BST1: variants seen among roughly 807,000 people sequenced by gnomAD.
The protein encoded by BST1 is ADP-ribosyl cyclase/cyclic ADP-ribose hydrolase 2.
Under a neutral mutation model 40.6 loss-of-function variants are expected in BST1, and 49 were observed. That is an observed-to-expected ratio of 1.21 (90% CI 0.96 to 1.53). The LOEUF is 1.53. BST1 is among the 40% of genes most tolerant of loss of function. BST1 has a pLI of 0.00. For synonymous variants in BST1, 157 were observed against 159.3 expected (o/e 0.99, Z 0.11); for missense variants, 423 against 395.9 (o/e 1.07, Z -0.58).
At chr4:15,739,394 G>A (rs79554183), downstream of BST1, among the ~76,000 whole-genome samples, 5,417 of 152,198 alleles carry the variant, frequency 0.036, 293 homozygotes, top group African/African-American at 0.12. Context: ...GATGTAGAAT[G>A]CAGCAGGTTC....
intron 3 of BST1, among the ~76,000 whole-genome samples, chr4:15,710,295 A>ATTTTAT: frequency 6.6e-6 from 1 of 151,888 alleles, no homozygotes; most frequent in East Asian, 1.9e-4. Flanking sequence ...TTTAATTTTA[A>ATTTTAT]TTTTATTTTT....
At chr4:15,768,471 G>T in the BST1 span, among the ~76,000 whole-genome samples, 1 of 149,332 alleles carries the variant, frequency 6.7e-6, no homozygotes, top group Non-Finnish European at 1.5e-5. Flanking sequence ...GAGTGTTGAT[G>T]GACAGTATCT....
chr4:15,754,198 T>C, the BST1 span, among the ~76,000 whole-genome samples: 1 of 151,972 alleles, frequency 6.6e-6, no homozygotes, highest in East Asian at 1.9e-4. Flanking sequence ...GATGTGATAA[T>C]CCCCACGAAG....
At chr4:15,762,506 T>G in the BST1 span, among the ~76,000 whole-genome samples, 1 of 152,026 alleles carries the variant, frequency 6.6e-6, no homozygotes, top group African/African-American at 2.4e-5. Context: ...AACAATCAAA[T>G]GAACACATCC....
chr4:15,734,699 G>C (rs931836271), downstream of BST1, among the ~76,000 whole-genome samples: 5 of 152,146 alleles, frequency 3.3e-5, no homozygotes, highest in Non-Finnish European at 7.3e-5. Context: ...GATACTAACT[G>C]GTTGCCTAAG....
At chr4:15,772,007 G>GTCTCTCTCTCTCTCTCTCTCTC in the BST1 span, among the ~76,000 whole-genome samples, 32 of 148,862 alleles carry the variant, frequency 2.1e-4, no homozygotes, top group African/African-American at 7.4e-4. Context: ...AACAATGAAG[G>GTCTCTCTCTCTCTCTCTCTCTC]TCTCTCTCTC....
downstream of BST1, among the ~76,000 whole-genome samples, chr4:15,735,742 T>C (rs926739664): frequency 1.3e-5 from 2 of 152,186 alleles, no homozygotes; most frequent in Admixed American, 1.3e-4. Context: ...AGACCAAGCT[T>C]GGAAAACACA....
chr4:15,765,875 A>C, the BST1 span, among the ~76,000 whole-genome samples: 1 of 151,990 alleles, frequency 6.6e-6, no homozygotes, highest in Non-Finnish European at 1.5e-5. Context: ...GCTATGGTTT[A>C]CTTATCTTGT....
the BST1 span, among the ~76,000 whole-genome samples, chr4:15,766,960 C>T: frequency 6.6e-6 from 1 of 151,752 alleles, no homozygotes; most frequent in African/African-American, 2.4e-5. Context: ...TGCCCATGTC[C>T]CACTGCCGTT....
chr4:15,707,672 A>G (rs1204528778), intron 3 of BST1, 26 bp downstream of exon 3: 2 of 1,612,142 alleles, frequency 1.2e-6, no homozygotes, highest in African/African-American at 1.3e-5. Flanking sequence ...AAATCACAGG[A>G]GACTTAAGAA....
intron 6 of BST1, 99 bp downstream of exon 6, chr4:15,715,898 G>T: frequency 1.1e-6 from 1 of 892,188 alleles, no homozygotes. Flanking sequence ...TAGGGGAAAT[G>T]ACAGCCTTCT....
At chr4:15,757,634 T>TTTTATTTA in the BST1 span, among the ~76,000 whole-genome samples, 446 of 152,108 alleles carry the variant, frequency 2.9e-3, 4 homozygotes, top group African/African-American at 0.01. Flanking sequence ...CTTTTAAAAA[T>TTTTATTTA]TTTATTTATT....
At chr4:15,723,001 T>C in intron 8 of BST1, 67 bp downstream of exon 8, 1 of 1,429,390 alleles carries the variant, frequency 7.0e-7, no homozygotes, top group Admixed American at 1.7e-5. Flanking sequence ...AAGTTTTCAG[T>C]TCACAAACAT....
intron 8 of BST1, among the ~76,000 whole-genome samples, chr4:15,724,945 G>C (rs1316568004): frequency 6.6e-6 from 1 of 152,070 alleles, no homozygotes; most frequent in African/African-American, 2.4e-5. Flanking sequence ...TATGCTGGCT[G>C]GTATATGGGC....
At chr4:15,768,790 C>T in the BST1 span, among the ~76,000 whole-genome samples, 4 of 152,086 alleles carry the variant, frequency 2.6e-5, no homozygotes, top group African/African-American at 9.7e-5. Context: ...GCCACCGCGC[C>T]CGGCCGATGG....
chr4:15,746,306 G>T, the BST1 span, among the ~76,000 whole-genome samples: 10 of 152,300 alleles, frequency 6.6e-5, no homozygotes, highest in African/African-American at 2.4e-4. Flanking sequence ...GTCTCTAAGG[G>T]TGGTTCCAAG....
At chr4:15,770,521 A>G in the BST1 span, among the ~76,000 whole-genome samples, 1 of 152,164 alleles carries the variant, frequency 6.6e-6, no homozygotes, top group Admixed American at 6.5e-5. Flanking sequence ...CCTGGGCAAC[A>G]TGGTGAAGCC....
intron 3 of BST1, among the ~76,000 whole-genome samples, chr4:15,709,279 G>T (rs1237224535): frequency 6.6e-6 from 1 of 152,194 alleles, no homozygotes; most frequent in East Asian, 1.9e-4. Flanking sequence ...TTTCTGATGG[G>T]AGAACAGCAA....
Position 15,715,814 on chromosome 4 carries a change from T to C in BST1, c.704+15T>C, listed in dbSNP as rs898589742. ...GGACCCAATGTGTAAGTTATGGTGA[T>C]ATTGATGATGATAATTGCACAAGTT... On this transcript the variant is annotated intron_variant, in intron 6 of 8. Transcript: ENST00000265016. 1 of 1,514,590 alleles carries C rather than the reference T, an allele frequency of 6.6e-7. No homozygotes were observed. The highest frequency in any genetic ancestry group is 1.4e-5 in the African/African-American group (1 of 70,934). 93.8% of individuals were successfully genotyped at this position (1,514,590 alleles called of 1,614,324 possible).
Sources: allele counts gnomAD v4.1 joint callset (sites outside exome capture counted in the v4.1 genomes callset), GRCh38; gene constraint gnomAD v4.1.1; transcripts MANE v1.5; gene names NCBI Gene and HGNC (gene_info 2026-07-23, HGNC 2026-07-21).